Variants in TSPAN8 observed in about 807,000 individuals in gnomAD.
TSPAN8 encodes the protein tetraspanin-8.
A neutral mutation model predicts 32.8 loss-of-function variants in TSPAN8; 21 were observed. The ratio of observed to expected loss-of-function variants is 0.64; its 90% CI spans 0.45 to 0.92. The LOEUF is 0.92. Among genes scored for constraint, TSPAN8 ranks in the 40% least tolerant of loss-of-function variants. TSPAN8 has a pLI of 0.00. For missense variants in TSPAN8, 269 were observed against 281.9 expected (o/e 0.95, Z 0.33); for synonymous variants, 95 against 94.6 (o/e 1.00, Z -0.03).
At position 71,125,329 on chromosome 12, in the gene TSPAN8, C is replaced by T. The variant is rs1279711004; in HGVS notation, c.*5G>A. 1 of 1,610,982 alleles carries T rather than the reference C, an allele frequency of 6.2e-7. No individual in the cohort carries two copies. The highest frequency in any genetic ancestry group is 1.3e-5 in the African/African-American group (1 of 74,704). ...GACTGACGATAGGTTGATGCATCCACAGATTCATTTGTTCCCGATCTGGCA... is the reference window on the plus strand; with the variant it reads ...GACTGACGATAGGTTGATGCATCCATAGATTCATTTGTTCCCGATCTGGCA... On this transcript the variant is annotated 3_prime_UTR_variant, in exon 9 of 9. Transcript: ENST00000247829.
At chr12:71,143,488 T>C (rs1376482094) in intron 3 of TSPAN8, among the ~76,000 whole-genome samples, 1 of 152,150 alleles carries the variant, frequency 6.6e-6, no homozygotes, top group Non-Finnish European at 1.5e-5. Context: ...GCTTTGGCAC[T>C]GGGCACGGAA....
chr12:71,131,637 A>G (rs1555194951), intron 7 of TSPAN8, among the ~76,000 whole-genome samples: 1 of 139,118 alleles, frequency 7.2e-6, no homozygotes, highest in Non-Finnish European at 1.6e-5. Context: ...GAGGATCCAG[A>G]AGCATGTCTG....
At chr12:71,146,885 T>C (rs1382268212) in intron 2 of TSPAN8, among the ~76,000 whole-genome samples, 1 of 152,192 alleles carries the variant, frequency 6.6e-6, no homozygotes, top group Non-Finnish European at 1.5e-5. Context: ...GATAGGCTTT[T>C]AGAAGATAAT....
chr12:71,139,994 T>C, intron 3 of TSPAN8, 146 bp from the exon 4 acceptor site: 2 of 584,288 alleles, frequency 3.4e-6, no homozygotes, highest in South Asian at 4.8e-5. Context: ...AAAGTACAAA[T>C]CCTTGCCCTC....
At chr12:71,156,183 G>A (rs747394514) in intron 2 of TSPAN8, among the ~76,000 whole-genome samples, 10 of 144,988 alleles carry the variant, frequency 6.9e-5, no homozygotes, top group Non-Finnish European at 1.2e-4. Flanking sequence ...TCTTTCTGTG[G>A]CCACCTGGGC....
chr12:71,141,217 A>C (rs2137054056), intron 3 of TSPAN8, among the ~76,000 whole-genome samples: 1 of 152,332 alleles, frequency 6.6e-6, no homozygotes, highest in Non-Finnish European at 1.5e-5. Context: ...TGTCTCTAAA[A>C]GTCTATGCTT....
intron 3 of TSPAN8, among the ~76,000 whole-genome samples, chr12:71,143,495 G>C (rs1021893767): frequency 6.6e-6 from 1 of 152,116 alleles, no homozygotes; most frequent in Non-Finnish European, 1.5e-5. Flanking sequence ...CACTGGGCAC[G>C]GAATGGTGTG....
intron 3 of TSPAN8, among the ~76,000 whole-genome samples, chr12:71,142,909 C>G (rs111571496): frequency 6.6e-6 from 1 of 151,446 alleles, no homozygotes; most frequent in Non-Finnish European, 1.5e-5. Flanking sequence ...CCCACTGCAG[C>G]GAAGAAAACA....
At chr12:71,139,870 T>C (rs757900720) in intron 3 of TSPAN8, 22 bp from the exon 4 acceptor site, 27 of 1,574,814 alleles carry the variant, frequency 1.7e-5, no homozygotes, top group Non-Finnish European at 2.2e-5. Context: ...AAGAGATTAA[T>C]GGCAGAAAAT....
intron 2 of TSPAN8, among the ~76,000 whole-genome samples, chr12:71,154,831 A>G (rs1208929489): frequency 6.6e-6 from 1 of 152,210 alleles, no homozygotes; most frequent in Non-Finnish European, 1.5e-5. Context: ...GACAGGAAAT[A>G]AGCAAGTGAT....
At chr12:71,147,490 A>G (rs970697278) in intron 2 of TSPAN8, among the ~76,000 whole-genome samples, 11 of 152,196 alleles carry the variant, frequency 7.2e-5, no homozygotes, top group South Asian at 4.1e-4. Context: ...AAAAAAGAAT[A>G]AGAAAATATG....
intron 6 of TSPAN8, among the ~76,000 whole-genome samples, chr12:71,136,247 A>T (rs1871693756): frequency 6.6e-6 from 1 of 152,212 alleles, no homozygotes; most frequent in Non-Finnish European, 1.5e-5. Context: ...AACTCTGGAA[A>T]AACTAGTACT....
intron 8 of TSPAN8, among the ~76,000 whole-genome samples, chr12:71,128,222 T>C (rs1871403195): frequency 6.6e-6 from 1 of 152,220 alleles, no homozygotes; most frequent in African/African-American, 2.4e-5. Context: ...ACCCACAGTT[T>C]AATTTGCTGC....
Position 71,125,153 on chromosome 12 carries a change from T to C in TSPAN8, c.*181A>G, listed in dbSNP as rs1871310952. 1 of 506,136 alleles carries C rather than the reference T, an allele frequency of 2.0e-6. No homozygotes were observed. The highest frequency in any genetic ancestry group is 3.1e-5 in the East Asian group (1 of 32,166). The allele number at this position is 506,136 out of a possible 1,614,324, so 31.4% of individuals were successfully genotyped here. A position where few individuals can be genotyped will look rare whatever the true frequency, so the allele number is the denominator to read the frequency against. ...AATACACATTCATATCATTTTCCCT[T>C]ATATCCCTCAAATCTTAAATGTGTT... On this transcript the variant is annotated 3_prime_UTR_variant, in exon 9 of 9. Coordinates refer to ENST00000247829, the MANE Select transcript of TSPAN8 (RefSeq NM_004616.3).
Position 71,142,847 on chromosome 12 carries a change from C to CAAA in TSPAN8, c.123+1301_123+1303dup, listed in dbSNP as rs370834723. On this transcript the variant is annotated intron_variant, in intron 3 of 8. Transcript: ENST00000247829. ...ACAGGAGAGAGAGAGAGGAAAAAAA[C>CAAA]AAAAAAAAAAAAAACAGAGATAGAG... 5.2e-3 allele frequency among the ~76,000 whole-genome samples: 684 copies of CAAA among 131,594 alleles called. 10 individuals are homozygous for CAAA. The highest frequency in any genetic ancestry group is 0.034 in the South Asian group (137 of 4,072). 86.3% of individuals were successfully genotyped at this position (131,594 alleles called of 152,430 possible). A position where few individuals can be genotyped will look rare whatever the true frequency, so the allele number is the denominator to read the frequency against.
At chr12:71,157,463 A>T (rs2137065301) in intron 2 of TSPAN8, 156 bp downstream of exon 2, 1 of 545,410 alleles carries the variant, frequency 1.8e-6, no homozygotes, top group East Asian at 2.8e-5. Flanking sequence ...TTACTGAAAT[A>T]ACCAAAGAAA....
intron 2 of TSPAN8, among the ~76,000 whole-genome samples, chr12:71,151,103 A>G (rs1047693318): frequency 5.4e-5 from 8 of 148,960 alleles, no homozygotes; most frequent in Non-Finnish European, 8.9e-5. Context: ...TCACTCTATC[A>G]CCCAGGCTGG....
Position 71,144,226 on chromosome 12 carries a change from A to C in TSPAN8, c.61-13T>G. ...AGATACCACATAGCTGCAGAAAAAAACAAACAAACAAAAAGAATACAATTA... is the reference window on the plus strand; with the variant it reads ...AGATACCACATAGCTGCAGAAAAAACCAAACAAACAAAAAGAATACAATTA... On this transcript the variant is annotated splice_polypyrimidine_tract_variant and intron_variant, in intron 2 of 8. Transcript: ENST00000247829. 1 of 1,606,720 alleles carries C rather than the reference A, an allele frequency of 6.2e-7. No homozygotes were observed. The highest frequency in any genetic ancestry group is 8.5e-7 in the Non-Finnish European group (1 of 1,177,680).
intron 7 of TSPAN8, 145 bp from the exon 8 acceptor site, chr12:71,129,559 C>T: frequency 1.1e-6 from 1 of 897,524 alleles, no homozygotes; most frequent in Non-Finnish European, 1.5e-6. Flanking sequence ...TCCTTCCACT[C>T]CCTGCTTCAC....
Sources: allele counts gnomAD v4.1 joint callset (sites outside exome capture counted in the v4.1 genomes callset), GRCh38; gene constraint gnomAD v4.1.1; transcripts MANE v1.5; gene names NCBI Gene and HGNC (gene_info 2026-07-23, HGNC 2026-07-21).